The following EXOC4 variants were observed in gnomAD, a reference collection of about 807,000 sequenced individuals.
EXOC4 encodes the protein exocyst complex component 4, also known as SEC8-like 1.
Under a neutral mutation model 107.2 loss-of-function variants are expected in EXOC4, and 71 were observed. That is an observed-to-expected ratio of 0.66 (90% CI 0.55 to 0.81). The LOEUF is 0.81. EXOC4 is among the 30% of genes least tolerant of loss of function. The pLI is 0.00. For missense variants in EXOC4, 1,108 were observed against 1,189.6 expected (o/e 0.93, Z 1.01); for synonymous variants, 456 against 441.2 (o/e 1.03, Z -0.42).
chr7:133,404,869 G>GCC (rs1260429484), intron 7 of EXOC4, among the ~76,000 whole-genome samples: 2 of 64,400 alleles, frequency 3.1e-5, no homozygotes, highest in African/African-American at 6.7e-5. Flanking sequence ...TCCACCCCCT[G>GCC]CGCCCCCCCC....
chr7:133,995,703 T>A (rs1331606591), intron 14 of EXOC4, among the ~76,000 whole-genome samples: 1 of 152,222 alleles, frequency 6.6e-6, no homozygotes, highest in Non-Finnish European at 1.5e-5. Context: ...TCCCTTGAAC[T>A]ACATTCTTTT....
At chr7:133,710,427 G>A (rs1043945168) in intron 10 of EXOC4, among the ~76,000 whole-genome samples, 1 of 151,932 alleles carries the variant, frequency 6.6e-6, no homozygotes. Flanking sequence ...TTGGGAGGCC[G>A]AGGCGGGCGG....
downstream of EXOC4, among the ~76,000 whole-genome samples, chr7:134,069,292 C>T (rs1417470837): frequency 1.7e-5 from 1 of 59,490 alleles, no homozygotes; most frequent in Non-Finnish European, 2.8e-5. Context: ...TTCTCCCCCT[C>T]ATTCTCCTCC....
At chr7:134,002,904 C>CG (rs1794562488) in intron 15 of EXOC4, among the ~76,000 whole-genome samples, 1 of 218 alleles carries the variant, frequency 4.6e-3, no homozygotes, top group Admixed American at 0.17. Flanking sequence ...CTTTGGAAAG[C>CG]AATTGGTAAT....
intron 5 of EXOC4, among the ~76,000 whole-genome samples, chr7:133,345,082 TTGTCAGCCTG>T (rs1027774404): frequency 1.6e-4 from 25 of 152,192 alleles, no homozygotes; most frequent in African/African-American, 5.5e-4. Flanking sequence ...GCAACCACCT[TTGTCAGCCTG>T]AGAGTTTCCA....
At chr7:133,490,526 TGTATGAAA>T (rs1421809763) in intron 9 of EXOC4, among the ~76,000 whole-genome samples, 4 of 152,190 alleles carry the variant, frequency 2.6e-5, no homozygotes, top group Non-Finnish European at 5.9e-5. Context: ...TATGGGTAAA[TGTATGAAA>T]GTATGAGAGT....
At chr7:133,489,584 A>G (rs1799333483) in intron 9 of EXOC4, among the ~76,000 whole-genome samples, 2 of 152,144 alleles carry the variant, frequency 1.3e-5, no homozygotes, top group South Asian at 4.1e-4. Context: ...TGCTCCCTCC[A>G]TCATCCTCCA....
intron 10 of EXOC4, 54 bp downstream of exon 10, chr7:133,630,195 G>A (rs1233548563): frequency 3.6e-6 from 5 of 1,377,568 alleles, no homozygotes; most frequent in Middle Eastern, 1.8e-4. Flanking sequence ...CATTATTTAT[G>A]CTGGTCTACT....
intron 10 of EXOC4, among the ~76,000 whole-genome samples, chr7:133,797,651 G>C (rs1478364903): frequency 2.6e-5 from 4 of 152,178 alleles, no homozygotes; most frequent in African/African-American, 9.7e-5. Context: ...TGGGGAAGAA[G>C]TAGTAAAGAC....
At chr7:134,076,474 C>T in the EXOC4 span, among the ~76,000 whole-genome samples, 324 of 152,034 alleles carry the variant, frequency 2.1e-3, 2 homozygotes, top group African/African-American at 7.1e-3. Context: ...GCCGAGATCA[C>T]GCCACTTCAC....
At chr7:133,607,685 C>T (rs1285055693) in intron 9 of EXOC4, among the ~76,000 whole-genome samples, 2 of 152,112 alleles carry the variant, frequency 1.3e-5, no homozygotes, top group South Asian at 2.1e-4. Flanking sequence ...CCATCTCTCT[C>T]GTGCTTTAAG....
At chr7:133,737,360 T>G (rs986403601) in intron 10 of EXOC4, among the ~76,000 whole-genome samples, 1 of 152,194 alleles carries the variant, frequency 6.6e-6, no homozygotes, top group Non-Finnish European at 1.5e-5. Flanking sequence ...ATGCTGCAGC[T>G]AAACTGGGCT....
chr7:133,258,927 A>G (rs1263350765), intron 1 of EXOC4, among the ~76,000 whole-genome samples: 1 of 152,204 alleles, frequency 6.6e-6, no homozygotes, highest in African/African-American at 2.4e-5. Flanking sequence ...TAAAAGACTG[A>G]AAAGACTATA....
chr7:133,579,469 T>C (rs1801202144), intron 9 of EXOC4, among the ~76,000 whole-genome samples: 1 of 152,204 alleles, frequency 6.6e-6, no homozygotes, highest in South Asian at 2.1e-4. Context: ...AGAGTTTCAT[T>C]TAGTTGCTTC....
intron 5 of EXOC4, among the ~76,000 whole-genome samples, chr7:133,335,922 G>A (rs1175408122): frequency 6.6e-6 from 1 of 151,880 alleles, no homozygotes; most frequent in Non-Finnish European, 1.5e-5. Flanking sequence ...GTTTTGATTT[G>A]CATTTCTGTA....
chr7:133,951,443 C>T (rs773969551), intron 14 of EXOC4, among the ~76,000 whole-genome samples: 33 of 152,224 alleles, frequency 2.2e-4, no homozygotes, highest in Non-Finnish European at 4.3e-4. Flanking sequence ...TTCTTCTGCT[C>T]CTTCTTTTTT....
chr7:134,058,392 A>G (rs1795979282), intron 17 of EXOC4, among the ~76,000 whole-genome samples: 1 of 152,224 alleles, frequency 6.6e-6, no homozygotes, highest in Admixed American at 6.5e-5. Flanking sequence ...AAAAGTACTG[A>G]ATCAGAGGGA....
intron 9 of EXOC4, among the ~76,000 whole-genome samples, chr7:133,515,387 A>G (rs1280474974): frequency 6.6e-6 from 1 of 152,128 alleles, no homozygotes; most frequent in East Asian, 1.9e-4. Context: ...GTATAAATAT[A>G]TGCACATATA....
chr7:133,287,870 A>G (rs185844532), intron 2 of EXOC4, among the ~76,000 whole-genome samples: 1 of 152,322 alleles, frequency 6.6e-6, no homozygotes, highest in African/African-American at 2.4e-5. Flanking sequence ...CAAGTCTTGT[A>G]GAAGAACAAT....
Sources: gnomAD v4.1 joint callset for allele counts (sites outside exome capture counted in the v4.1 genomes callset) on GRCh38, gnomAD v4.1.1 for gene constraint, MANE v1.5 for transcripts, NCBI Gene and HGNC (gene_info 2026-07-23, HGNC 2026-07-21) for gene names.